The following MORF4L2 variants were observed in gnomAD, a reference collection of about 807,000 sequenced individuals.
MORF4L2 encodes the protein mortality factor 4-like protein 2.
A neutral mutation model predicts 12.0 loss-of-function variants in MORF4L2; 1 was observed. That is an observed-to-expected ratio of 0.08 (90% CI 0.03 to 0.40). The LOEUF (loss-of-function observed/expected upper bound fraction) is 0.40. MORF4L2 is among the 10% of genes least tolerant of loss of function. The pLI is 0.98. For missense variants in MORF4L2, 123 were observed against 214.0 expected (o/e 0.57, Z 2.65); for synonymous variants, 69 against 81.6 (o/e 0.85, Z 0.83).
At chrX:103,681,342 T>C (rs778464868) in intron 2 of MORF4L2, among the ~76,000 whole-genome samples, 80 of 111,936 alleles carry the variant, frequency 7.1e-4, no homozygotes, top group Non-Finnish European at 1.2e-3. Context: ...AAATCTTAGA[T>C]TTTTCCTTTT....
intron 2 of MORF4L2, among the ~76,000 whole-genome samples, chrX:103,680,804 G>A (rs2073969036): frequency 8.9e-6 from 1 of 112,255 alleles, no homozygotes; most frequent in Non-Finnish European, 1.9e-5. Flanking sequence ...CCTGTCACAT[G>A]AGGTCAGATG....
rs1218881941 is a variant in MORF4L2, at chrX:103,675,637, A to T, written c.*524T>A. ...AACGTGCATTAGACTCAAATACAAA[A>T]ACCATGAAACAAATCACCATCCTTC... On this transcript the variant is annotated 3_prime_UTR_variant, in exon 4 of 4. Transcript: ENST00000441076. 4 of 112,680 alleles carry T rather than the reference A, an allele frequency of 3.5e-5. No homozygotes were observed. The highest frequency in any genetic ancestry group is 1.3e-4 in the African/African-American group (4 of 30,837). 9.3% of individuals were successfully genotyped at this position (112,680 alleles called of 1,213,427 possible).
intron 2 of MORF4L2, among the ~76,000 whole-genome samples, chrX:103,679,434 G>A (rs931166144): frequency 1.9e-5 from 2 of 107,879 alleles, no homozygotes; most frequent in East Asian, 2.9e-4. Flanking sequence ...CAGGAGAATC[G>A]CTTGAACCCG....
At chrX:103,677,199 T>A (rs1185646554) in intron 3 of MORF4L2, 148 bp from the exon 4 acceptor site, 10 of 404,170 alleles carry the variant, frequency 2.5e-5, no homozygotes, top group Non-Finnish European at 3.5e-5. Flanking sequence ...AGTGATTTTT[T>A]ATTTTTTTAC....
chrX:103,676,231 T>C lies in MORF4L2; in HGVS notation c.797A>G (p.Asn266Ser), dbSNP rs1253393154. The part of the protein sequence containing the change: ...LHDFLKYLAK[N>S]SASLFTASDY... ...ACTGGCAGTAAAGAGAGATGCAGAA[T>C]TCTTTGCCAGATATTTTAGGAAATC... Residue 266 changes from asparagine to serine, a missense_variant, in exon 4 of 4, where the codon AAT becomes AGT. Transcript: ENST00000441076. 1 of 1,210,938 alleles carries C rather than the reference T, an allele frequency of 8.3e-7. No individual in the cohort carries two copies. Among genetic ancestry groups the C allele is most frequent in the East Asian group, 3.0e-5 (1 of 33,845 alleles).
intron 2 of MORF4L2, among the ~76,000 whole-genome samples, chrX:103,679,859 GCAAA>G (rs1456249730): frequency 7.7e-5 from 3 of 38,712 alleles, no homozygotes; most frequent in African/African-American, 3.1e-4. Flanking sequence ...GCACCTGTGG[GCAAA>G]AAAAAAAAAA....
intron 2 of MORF4L2, among the ~76,000 whole-genome samples, chrX:103,684,289 TAA>T (rs1246956861): frequency 6.4e-5 from 7 of 109,168 alleles, no homozygotes; most frequent in African/African-American, 2.3e-4. Context: ...TTTTTTTTTT[TAA>T]GTCTGAGACA....
At chrX:103,679,314 G>T (rs774759860) in intron 2 of MORF4L2, among the ~76,000 whole-genome samples, 45 of 99,688 alleles carry the variant, frequency 4.5e-4, no homozygotes, top group African/African-American at 1.5e-3. Context: ...GACCAGCCTG[G>T]CCAACGTAGT....
intron 2 of MORF4L2, chrX:103,684,919 G>A (rs1366691527): frequency 8.9e-6 from 1 of 112,200 alleles, no homozygotes; most frequent in African/African-American, 3.2e-5. Flanking sequence ...GTAATCTATG[G>A]AACTGTGGAA....
At chrX:103,682,781 T>C (rs762093422) in intron 2 of MORF4L2, among the ~76,000 whole-genome samples, 1 of 112,571 alleles carries the variant, frequency 8.9e-6, no homozygotes, top group African/African-American at 3.2e-5. Context: ...TGTATGTATA[T>C]GTGCATACAT....
intron 3 of MORF4L2, among the ~76,000 whole-genome samples, chrX:103,678,226 G>T (rs951933455): frequency 1.8e-5 from 2 of 110,741 alleles, no homozygotes; most frequent in African/African-American, 6.6e-5. Flanking sequence ...GAGAAGAGAG[G>T]AAGAACTTCA....
chrX:103,677,998 T>C (rs755070297), intron 3 of MORF4L2, among the ~76,000 whole-genome samples: 2 of 110,279 alleles, frequency 1.8e-5, no homozygotes, highest in South Asian at 3.9e-4. Flanking sequence ...AGAAAATGGA[T>C]TGGAGGAAAA....
intron 3 of MORF4L2, 91 bp from the exon 4 acceptor site, chrX:103,677,142 A>C: frequency 1.4e-6 from 1 of 691,118 alleles, no homozygotes; most frequent in Non-Finnish European, 2.0e-6. Flanking sequence ...ACACATTCTA[A>C]CTCCCTTAAA....
intron 2 of MORF4L2, chrX:103,684,692 AC>A (rs2074058445): frequency 1.8e-5 from 2 of 112,451 alleles, no homozygotes; most frequent in African/African-American, 6.5e-5. Context: ...TGTGCCATGC[AC>A]TGTCCTGGTA....
At chrX:103,682,426 T>A (rs1257610986) in intron 2 of MORF4L2, among the ~76,000 whole-genome samples, 1 of 111,908 alleles carries the variant, frequency 8.9e-6, no homozygotes, top group Admixed American at 9.5e-5. Flanking sequence ...TAGAGCCAAA[T>A]TCACCTCACA....
chrX:103,685,681 C>A (rs1262547918), intron 1 of MORF4L2, among the ~76,000 whole-genome samples: 4 of 97,813 alleles, frequency 4.1e-5, no homozygotes, highest in African/African-American at 1.1e-4. Context: ...AAAATTTAAA[C>A]GTATACCAAG....
chrX:103,681,999 G>A (rs1460569891), intron 2 of MORF4L2, among the ~76,000 whole-genome samples: 1 of 111,087 alleles, frequency 9.0e-6, no homozygotes, highest in East Asian at 2.8e-4. Flanking sequence ...TCCTGAGTGA[G>A]CATGTATGCC....
upstream of MORF4L2, chrX:103,687,239 G>C (rs941419515): frequency 2.7e-5 from 3 of 110,950 alleles, no homozygotes; most frequent in Admixed American, 9.5e-5. Flanking sequence ...GTGGGGAAGC[G>C]CGAGGTCAAA....
At chrX:103,682,198 ACCT>A (rs1016871519) in intron 2 of MORF4L2, among the ~76,000 whole-genome samples, 1 of 111,094 alleles carries the variant, frequency 9.0e-6, no homozygotes, top group African/African-American at 3.3e-5. Context: ...GTACATACCT[ACCT>A]CTTCTTTTTA....
Sources: gnomAD v4.1 joint callset for allele counts (sites outside exome capture counted in the v4.1 genomes callset) on GRCh38, gnomAD v4.1.1 for gene constraint, MANE v1.5 for transcripts, NCBI Gene and HGNC (gene_info 2026-07-23, HGNC 2026-07-21) for gene names.